The following TENM4 variants were observed in gnomAD, a reference collection of about 807,000 sequenced individuals.
The protein encoded by TENM4 is teneurin transmembrane protein 4.
A neutral mutation model predicts 243.3 loss-of-function variants in TENM4; 82 were observed. That is an observed-to-expected ratio of 0.34 (90% CI 0.28 to 0.40). TENM4 has a LOEUF of 0.40. Among genes scored for constraint, TENM4 ranks in the 10% least tolerant of loss-of-function variants. The pLI is 1.00. For synonymous variants in TENM4, 1,412 were observed against 1,456.3 expected (o/e 0.97, Z 0.69); for missense variants, 3,138 against 3,673.3 (o/e 0.85, Z 3.77).
intron 6 of TENM4, among the ~76,000 whole-genome samples, chr11:79,063,649 C>A (rs932916597): frequency 6.6e-6 from 1 of 152,140 alleles, no homozygotes; most frequent in South Asian, 2.1e-4. Context: ...AGGGGAGATT[C>A]CCCCCAGGCA....
At chr11:78,708,610 T>C in intron 26 of TENM4, 95 bp from the exon 27 acceptor site, 2 of 1,426,978 alleles carry the variant, frequency 1.4e-6, no homozygotes, top group Non-Finnish European at 1.9e-6. Context: ...GCACCTCCTC[T>C]ACATGATTGG....
At chr11:78,921,100 A>C (rs2136386263) in intron 6 of TENM4, among the ~76,000 whole-genome samples, 1 of 152,080 alleles carries the variant, frequency 6.6e-6, no homozygotes, top group Non-Finnish European at 1.5e-5. Flanking sequence ...GACTAGCTTG[A>C]CTCTCCAAGC....
At position 78,790,700 on chromosome 11, in the gene TENM4, G is replaced by A. The variant is rs535596171; in HGVS notation, c.2180-3617C>T. 1.8e-4 allele frequency among the ~76,000 whole-genome samples: 28 copies of A among 152,302 alleles called. No individual in the cohort carries two copies. The Middle Eastern group carries it at 0.01, about 56-fold the overall frequency. On this transcript the variant is annotated intron_variant, in intron 15 of 33. Transcript: ENST00000278550. The stretch of plus-strand genomic sequence containing the variant: ...GCAGACATTTCACAGATAAGGAAAC[G>A]AAGCCTCAGAACAGGCAAGGAACAC...
intron 27 of TENM4, among the ~76,000 whole-genome samples, chr11:78,704,449 C>G (rs117906888): frequency 6.6e-6 from 1 of 151,768 alleles, no homozygotes; most frequent in Admixed American, 6.6e-5. Flanking sequence ...CTCAAATGCC[C>G]AACAACTGAG....
intron 1 of TENM4, among the ~76,000 whole-genome samples, chr11:79,381,569 T>C (rs1002711959): frequency 3.3e-5 from 5 of 150,080 alleles, no homozygotes; most frequent in African/African-American, 7.4e-5. Flanking sequence ...TGGGGCCAGG[T>C]ATTAGGGTGC....
rs1857932747 is a variant in TENM4, at chr11:78,657,868, A to G, written c.*190T>C. 5 of 857,160 alleles carry G rather than the reference A, an allele frequency of 5.8e-6. No homozygotes were observed. 53.1% of individuals were successfully genotyped at this position (857,160 alleles called of 1,614,324 possible). On this transcript the variant is annotated 3_prime_UTR_variant, in exon 34 of 34. Transcript: ENST00000278550. ...GAAAAAAATACCTTCTGTTCTTTGC[A>G]AAAAATGTGCGAAGGCCAAATCTGT...
chr11:78,857,393 C>T (rs1858705699), intron 10 of TENM4, among the ~76,000 whole-genome samples: 1 of 152,108 alleles, frequency 6.6e-6, no homozygotes, highest in African/African-American at 2.4e-5. Context: ...TTTCTTTCCC[C>T]CTAGCTTTGT....
chr11:78,786,208 C>A (rs1856932402), intron 16 of TENM4, among the ~76,000 whole-genome samples: 1 of 152,166 alleles, frequency 6.6e-6, no homozygotes, highest in Non-Finnish European at 1.5e-5. Context: ...GGAGCTGGTG[C>A]CGAGGAGACC....
At chr11:78,731,088 A>AT (rs1855656437) in intron 21 of TENM4, among the ~76,000 whole-genome samples, 1 of 152,204 alleles carries the variant, frequency 6.6e-6, no homozygotes, top group African/African-American at 2.4e-5. Flanking sequence ...AATAAGCAAG[A>AT]TTTTTGCCCT....
intron 1 of TENM4, among the ~76,000 whole-genome samples, chr11:79,344,236 T>G (rs1461499892): frequency 6.6e-6 from 1 of 151,758 alleles, no homozygotes; most frequent in African/African-American, 2.4e-5. Flanking sequence ...TACTCCTGAG[T>G]TTTTCAACCA....
intron 4 of TENM4, among the ~76,000 whole-genome samples, chr11:79,088,695 C>T (rs1342808298): frequency 1.3e-5 from 2 of 152,218 alleles, no homozygotes; most frequent in Non-Finnish European, 2.9e-5. Flanking sequence ...GGCCCAGATG[C>T]AGTTCTGGAT....
intron 15 of TENM4, among the ~76,000 whole-genome samples, chr11:78,801,234 C>G (rs1439700185): frequency 2.0e-5 from 3 of 152,132 alleles, no homozygotes; most frequent in East Asian, 1.9e-4. Flanking sequence ...GCTTCCAACT[C>G]TTTTCTATCT....
At chr11:79,331,345 A>G (rs1295676800) in intron 1 of TENM4, among the ~76,000 whole-genome samples, 2 of 152,100 alleles carry the variant, frequency 1.3e-5, no homozygotes, top group Non-Finnish European at 2.9e-5. Context: ...CACTGCTCAC[A>G]GCTGTGTGAT....
intron 19 of TENM4, among the ~76,000 whole-genome samples, chr11:78,746,022 G>A (rs1856043319): frequency 6.6e-6 from 1 of 152,054 alleles, no homozygotes; most frequent in Admixed American, 6.5e-5. Context: ...GCATGATCTT[G>A]GCTCACTGCA....
At chr11:79,078,536 C>G (rs940322822) in intron 4 of TENM4, among the ~76,000 whole-genome samples, 9 of 152,160 alleles carry the variant, frequency 5.9e-5, no homozygotes, top group African/African-American at 2.2e-4. Context: ...CCTATCCCCA[C>G]TTTACTGATT....
intron 3 of TENM4, among the ~76,000 whole-genome samples, chr11:79,173,586 C>T (rs929931450): frequency 1.3e-5 from 2 of 152,156 alleles, no homozygotes; most frequent in Non-Finnish European, 1.5e-5. Flanking sequence ...TTTTAGCTTT[C>T]ATCTGCTATC....
At chr11:78,732,622 G>A in intron 20 of TENM4, 45 bp from the exon 21 acceptor site, 1 of 1,542,094 alleles carries the variant, frequency 6.5e-7, no homozygotes, top group Non-Finnish European at 8.8e-7. Context: ...AGCAGGAAGA[G>A]CAGGAACCAG....
At chr11:79,224,185 T>A (rs1423845456) in intron 2 of TENM4, among the ~76,000 whole-genome samples, 1 of 152,166 alleles carries the variant, frequency 6.6e-6, no homozygotes, top group Non-Finnish European at 1.5e-5. Context: ...TAGAGGATGA[T>A]TTGTACCCAG....
At chr11:78,952,156 T>C (rs1857120407) in intron 6 of TENM4, among the ~76,000 whole-genome samples, 1 of 152,242 alleles carries the variant, frequency 6.6e-6, no homozygotes, top group African/African-American at 2.4e-5. Flanking sequence ...AAAAATTTGC[T>C]GAGTTGAATT....
Sources: gnomAD v4.1 joint callset for allele counts (sites outside exome capture counted in the v4.1 genomes callset) on GRCh38, gnomAD v4.1.1 for gene constraint, MANE v1.5 for transcripts, NCBI Gene and HGNC (gene_info 2026-07-23, HGNC 2026-07-21) for gene names.